Variants in CNST observed in about 807,000 individuals in gnomAD.
The protein encoded by CNST is consortin, connexin sorting protein, also known as consortin.
In CNST, 39 loss-of-function variants were observed where a neutral mutation model predicts 72.4. That is an observed-to-expected ratio of 0.54 (90% CI 0.42 to 0.70). The LOEUF is 0.70. Ranked by LOEUF, CNST falls within the 30% of genes least tolerant of loss-of-function variation. The pLI is 0.00. For missense variants in CNST, 871 were observed against 868.5 expected, an observed-to-expected ratio of 1.00 and a Z score of -0.04; for synonymous variants, 332 against 320.1, an observed-to-expected ratio of 1.04 and a Z score of -0.40.
chr1:246,650,350 G>A (rs1431121262), intron 9 of CNST, among the ~76,000 whole-genome samples: 1 of 152,080 alleles, frequency 6.6e-6, no homozygotes, highest in Non-Finnish European at 1.5e-5. Context: ...AACCCCAAAA[G>A]CTACATATAC....
intron 4 of CNST, 37 bp downstream of exon 4, chr1:246,631,961 A>G (rs751664160): frequency 2.2e-5 from 27 of 1,209,260 alleles, no homozygotes; most frequent in Non-Finnish European, 1.2e-6. Flanking sequence ...AATTTTTAGA[A>G]CTCTTACAGA....
intron 2 of CNST, among the ~76,000 whole-genome samples, chr1:246,604,478 T>A (rs955549071): frequency 2.6e-4 from 40 of 152,270 alleles, no homozygotes; most frequent in African/African-American, 8.7e-4. Flanking sequence ...ATGCTTCCGT[T>A]CTTATATGAT....
intron 9 of CNST, among the ~76,000 whole-genome samples, chr1:246,659,488 C>T (rs1042103922): frequency 4.0e-5 from 6 of 151,626 alleles, no homozygotes; most frequent in African/African-American, 9.7e-5. Context: ...CCAGCTACCC[C>T]GGAGGCTGAG....
At chr1:246,611,370 CAG>C (rs1663307689) in intron 2 of CNST, among the ~76,000 whole-genome samples, 1 of 152,034 alleles carries the variant, frequency 6.6e-6, no homozygotes, top group African/African-American at 2.4e-5. Context: ...GTGAAAGCCT[CAG>C]AGTTTGAAGC....
intron 9 of CNST, 140 bp from the exon 10 acceptor site, chr1:246,660,059 T>G: frequency 1.5e-6 from 1 of 665,034 alleles, no homozygotes; most frequent in Non-Finnish European, 2.5e-6. Context: ...TCTGTTAGAT[T>G]TTGATGTTAT....
At chr1:246,587,764 C>T (rs1258338659) in intron 1 of CNST, among the ~76,000 whole-genome samples, 3 of 152,182 alleles carry the variant, frequency 2.0e-5, no homozygotes, top group Non-Finnish European at 4.4e-5. Flanking sequence ...GGATTTTGAA[C>T]TCAAAAGCCC....
intron 2 of CNST, among the ~76,000 whole-genome samples, chr1:246,594,248 C>G (rs538210288): frequency 4.1e-4 from 62 of 152,196 alleles, no homozygotes; most frequent in African/African-American, 1.3e-3. Context: ...CTCCTGGGTT[C>G]AAGTGATCCT....
intron 1 of CNST, among the ~76,000 whole-genome samples, chr1:246,567,860 TA>T (rs1659818352): frequency 6.6e-6 from 1 of 152,126 alleles, no homozygotes; most frequent in Non-Finnish European, 1.5e-5. Context: ...CCTCTCCCCT[TA>T]AAAAACATTT....
At chr1:246,596,503 T>C (rs549122578) in intron 2 of CNST, among the ~76,000 whole-genome samples, 2 of 152,344 alleles carry the variant, frequency 1.3e-5, no homozygotes, top group East Asian at 3.9e-4. Context: ...TTTATTATTA[T>C]TTTTCACATT....
intron 1 of CNST, among the ~76,000 whole-genome samples, chr1:246,571,206 G>A (rs1660049278): frequency 6.6e-6 from 1 of 152,120 alleles, no homozygotes; most frequent in Non-Finnish European, 1.5e-5. Context: ...GAGTGCAGTG[G>A]TACGAGATCT....
At position 246,636,035 on chromosome 1, in the gene CNST, G is replaced by A. The variant is rs577207537; in HGVS notation, c.818+1448G>A. On this transcript the variant is annotated intron_variant, in intron 6 of 10. Transcript: ENST00000366513. ...AAGGAATCCATCGGGGCAGTCCATC[G>A]TCAGCTGGTGTTCCTAGGATTGTCG... 1.3e-4 allele frequency among the ~76,000 whole-genome samples: 20 copies of A among 152,358 alleles called. No individual in the cohort carries two copies. In the East Asian group the frequency reaches 2.1e-3, roughly 16 times the overall value.
chr1:246,623,023 A>G (rs1664192121), intron 3 of CNST, among the ~76,000 whole-genome samples: 1 of 152,026 alleles, frequency 6.6e-6, no homozygotes, highest in African/African-American at 2.4e-5. Flanking sequence ...GGGTTTCACC[A>G]TGTTGGCCAG....
At chr1:246,594,861 TTG>T (rs1661774718) in intron 2 of CNST, among the ~76,000 whole-genome samples, 1 of 152,182 alleles carries the variant, frequency 6.6e-6, no homozygotes, top group Non-Finnish European at 1.5e-5. Flanking sequence ...AGTCTCTACC[TTG>T]TTGTTGTCGT....
At chr1:246,637,494 A>G (rs1665368742) in intron 6 of CNST, among the ~76,000 whole-genome samples, 1 of 152,228 alleles carries the variant, frequency 6.6e-6, no homozygotes. Flanking sequence ...CCCTAAGACA[A>G]AAGTTCGTCC....
At chr1:246,649,204 A>G (rs1442676586) in intron 9 of CNST, among the ~76,000 whole-genome samples, 1 of 143,264 alleles carries the variant, frequency 7.0e-6, no homozygotes, top group Non-Finnish European at 1.5e-5. Context: ...AAAATTATTT[A>G]ATATTGCTTA....
At chr1:246,593,460 C>T (rs915332823) in intron 2 of CNST, among the ~76,000 whole-genome samples, 2 of 152,086 alleles carry the variant, frequency 1.3e-5, no homozygotes, top group Non-Finnish European at 2.9e-5. Context: ...CCTGCCTCAG[C>T]CTCCTGAGTA....
chr1:246,588,781 T>G (rs574312271), intron 1 of CNST, among the ~76,000 whole-genome samples: 1 of 152,220 alleles, frequency 6.6e-6, no homozygotes, highest in Non-Finnish European at 1.5e-5. Flanking sequence ...TTTATAAATG[T>G]AGCACATCTT....
At chr1:246,610,830 C>T (rs987391377) in intron 2 of CNST, among the ~76,000 whole-genome samples, 1 of 151,968 alleles carries the variant, frequency 6.6e-6, no homozygotes, top group African/African-American at 2.4e-5. Flanking sequence ...CTGAATTCTA[C>T]AGTACCACAA....
intron 2 of CNST, chr1:246,607,050 C>T (rs1572166462): frequency 1.3e-5 from 2 of 152,632 alleles, no homozygotes; most frequent in East Asian, 1.9e-4. Flanking sequence ...GGAGACCAGG[C>T]TCCGGGGGGT....
Sources: gnomAD v4.1 joint callset for allele counts (sites outside exome capture counted in the v4.1 genomes callset) on GRCh38, gnomAD v4.1.1 for gene constraint, MANE v1.5 for transcripts, NCBI Gene and HGNC (gene_info 2026-07-23, HGNC 2026-07-21) for gene names.